GPC3: variants seen among roughly 807,000 people sequenced by gnomAD.
GPC3 encodes glypican 3.
In GPC3, 3 loss-of-function variants were observed where a neutral mutation model predicts 34.4. The ratio of observed to expected loss-of-function variants is 0.09; its 90% CI spans 0.04 to 0.23. The LOEUF is 0.23. GPC3 is among the 10% of genes least tolerant of loss of function. The pLI is 1.00. For missense variants in GPC3, 351 were observed against 445.6 expected (o/e 0.79, Z 1.91); for synonymous variants, 177 against 174.0 (o/e 1.02, Z -0.13).
chrX:133,592,546 T>C (rs1417476111), intron 7 of GPC3, among the ~76,000 whole-genome samples: 1 of 110,431 alleles, frequency 9.1e-6, no homozygotes, highest in Non-Finnish European at 1.9e-5. Context: ...TCATGTTTAT[T>C]CAACATTCTT....
chrX:133,841,567 C>T (rs950113350), intron 2 of GPC3, among the ~76,000 whole-genome samples: 2 of 110,062 alleles, frequency 1.8e-5, no homozygotes, highest in African/African-American at 6.6e-5. Context: ...TGAAAATGGT[C>T]AATTTGCAAT....
chrX:133,930,625 A>G (rs776576789), intron 2 of GPC3, among the ~76,000 whole-genome samples: 1 of 112,583 alleles, frequency 8.9e-6, no homozygotes, highest in African/African-American at 3.2e-5. Flanking sequence ...GTGGAGTTTT[A>G]CAAATACAAT....
chrX:133,612,010 T>A (rs1423987551), intron 6 of GPC3, among the ~76,000 whole-genome samples: 1 of 112,321 alleles, frequency 8.9e-6, no homozygotes, highest in Non-Finnish European at 1.9e-5. Flanking sequence ...CAAATTCACA[T>A]GCTTAGGCAC....
chrX:133,910,358 T>C (rs1295870470), intron 2 of GPC3, among the ~76,000 whole-genome samples: 1 of 111,485 alleles, frequency 9.0e-6, no homozygotes, highest in Non-Finnish European at 1.9e-5. Context: ...AGCATCAAAA[T>C]GGCAGATCAA....
At chrX:133,633,653 A>G (rs1430241288) in intron 6 of GPC3, among the ~76,000 whole-genome samples, 1 of 112,300 alleles carries the variant, frequency 8.9e-6, no homozygotes, top group Non-Finnish European at 1.9e-5. Flanking sequence ...TCTCATCTGT[A>G]AAGAGCAGAT....
At chrX:133,688,424 T>C (rs1452431552) in intron 5 of GPC3, among the ~76,000 whole-genome samples, 1 of 111,745 alleles carries the variant, frequency 8.9e-6, no homozygotes, top group Non-Finnish European at 1.9e-5. Flanking sequence ...TCATTCATAT[T>C]TCAATTGATT....
At chrX:133,822,423 A>G (rs908682865) in intron 2 of GPC3, among the ~76,000 whole-genome samples, 1 of 112,247 alleles carries the variant, frequency 8.9e-6, no homozygotes, top group African/African-American at 3.2e-5. Flanking sequence ...ATAAGGAAAG[A>G]GAAAAAAATC....
At chrX:133,599,428 T>C (rs1322508883) in intron 6 of GPC3, among the ~76,000 whole-genome samples, 1 of 112,159 alleles carries the variant, frequency 8.9e-6, no homozygotes, top group African/African-American at 3.2e-5. Flanking sequence ...GGTGTCTTGA[T>C]TCATACTGTG....
chrX:133,881,946 G>A (rs758657217), intron 2 of GPC3, among the ~76,000 whole-genome samples: 2 of 112,699 alleles, frequency 1.8e-5, no homozygotes, highest in East Asian at 2.8e-4. Context: ...CTTTAGAAAG[G>A]TCTTCACAGA....
At chrX:133,579,117 T>C (rs1422776986) in intron 7 of GPC3, among the ~76,000 whole-genome samples, 12 of 111,912 alleles carry the variant, frequency 1.1e-4, no homozygotes, top group Admixed American at 4.7e-4. Flanking sequence ...CCTGCCAGCC[T>C]ACAATTTTCT....
intron 2 of GPC3, among the ~76,000 whole-genome samples, chrX:133,764,813 G>A (rs549303025): frequency 5.4e-5 from 6 of 111,635 alleles, no homozygotes; most frequent in Non-Finnish European, 7.5e-5. Context: ...CTGTCATCTC[G>A]ATGAGTTATT....
At chrX:133,906,916 C>T (rs1298497205) in intron 2 of GPC3, among the ~76,000 whole-genome samples, 3 of 110,964 alleles carry the variant, frequency 2.7e-5, no homozygotes, top group African/African-American at 9.8e-5. Context: ...GGCTAACAAA[C>T]GGTGAAACCC....
intron 1 of GPC3, among the ~76,000 whole-genome samples, chrX:133,982,372 A>C (rs1217568816): frequency 8.9e-6 from 1 of 111,891 alleles, no homozygotes; most frequent in Non-Finnish European, 1.9e-5. Flanking sequence ...CCTTAAAAAA[A>C]TAAGTGGGGT....
intron 3 of GPC3, among the ~76,000 whole-genome samples, chrX:133,744,272 G>A (rs1404931573): frequency 8.9e-6 from 1 of 112,014 alleles, no homozygotes; most frequent in Non-Finnish European, 1.9e-5. Context: ...ACCTGACAAA[G>A]TGCTAATATC....
intron 3 of GPC3, among the ~76,000 whole-genome samples, chrX:133,732,960 C>T (rs764748950): frequency 9.2e-4 from 102 of 110,904 alleles, no homozygotes; most frequent in African/African-American, 3.2e-3. Flanking sequence ...GACCCCCCAG[C>T]CTCAAGTGAT....
At chrX:133,750,155 TC>T (rs745307501) in intron 3 of GPC3, among the ~76,000 whole-genome samples, 1 of 112,158 alleles carries the variant, frequency 8.9e-6, no homozygotes, top group Non-Finnish European at 1.9e-5. Context: ...AGGGCCTGCA[TC>T]ACTGAGCACC....
chrX:133,722,933 C>T (rs1021526633), intron 3 of GPC3, among the ~76,000 whole-genome samples: 2 of 111,879 alleles, frequency 1.8e-5, no homozygotes, highest in African/African-American at 6.5e-5. Context: ...GCACATTTCC[C>T]TCTGTGACAG....
chrX:133,818,745 G>C (rs1035651580), intron 2 of GPC3, among the ~76,000 whole-genome samples: 6 of 111,652 alleles, frequency 5.4e-5, no homozygotes, highest in Non-Finnish European at 1.1e-4. Context: ...AGTTATAGCT[G>C]TCTGCACTAT....
chrX:133,773,410 A>G (rs1569429739), intron 2 of GPC3, among the ~76,000 whole-genome samples: 1 of 112,377 alleles, frequency 8.9e-6, no homozygotes, highest in Admixed American at 9.5e-5. Context: ...GAACTAACTG[A>G]AAATTGAGAG....
Sources: allele counts gnomAD v4.1 joint callset (sites outside exome capture counted in the v4.1 genomes callset), GRCh38; gene constraint gnomAD v4.1.1; transcripts MANE v1.5; gene names NCBI Gene and HGNC (gene_info 2026-07-23, HGNC 2026-07-21).